Variants in CCT3 observed in about 807,000 individuals in gnomAD.
CCT3 encodes the protein chaperonin containing TCP1 subunit 3, also known as T-complex protein 1 subunit gamma.
A neutral mutation model predicts 65.3 loss-of-function variants in CCT3; 10 were observed. That is an observed-to-expected ratio of 0.15 (90% CI 0.09 to 0.26). CCT3 has a LOEUF of 0.26. Among genes scored for constraint, CCT3 ranks in the 10% least tolerant of loss-of-function variants. The pLI is 1.00. For missense variants in CCT3, 626 were observed against 708.7 expected (o/e 0.88, Z 1.33); for synonymous variants, 225 against 242.3 (o/e 0.93, Z 0.66).
intron 7 of CCT3, among the ~76,000 whole-genome samples, chr1:156,319,429 T>A (rs528474484): frequency 2.6e-3 from 401 of 152,292 alleles, no homozygotes; most frequent in African/African-American, 9.2e-3. Context: ...TGTTTCAGGT[T>A]TCTAAAGTAC....
At chr1:156,313,453 G>T (rs1664170481) in intron 10 of CCT3, among the ~76,000 whole-genome samples, 1 of 151,262 alleles carries the variant, frequency 6.6e-6, no homozygotes, top group African/African-American at 2.4e-5. Flanking sequence ...TAATCAGGAA[G>T]ATTATGCCAC....
At chr1:156,329,723 G>C (rs1282261524) in intron 5 of CCT3, among the ~76,000 whole-genome samples, 1 of 150,932 alleles carries the variant, frequency 6.6e-6, no homozygotes, top group Admixed American at 6.6e-5. Flanking sequence ...AGGATCACCT[G>C]AAGTCAGGAG....
At chr1:156,323,314 GAA>G (rs71080759) in intron 6 of CCT3, among the ~76,000 whole-genome samples, 1 of 130,434 alleles carries the variant, frequency 7.7e-6, no homozygotes, top group Non-Finnish European at 1.6e-5. Flanking sequence ...TCCGTCTCAA[GAA>G]AAAAAAAAAA....
intron 10 of CCT3, 76 bp from the exon 11 acceptor site, chr1:156,312,297 T>C (rs748896515): frequency 7.2e-6 from 10 of 1,380,988 alleles, no homozygotes; most frequent in Admixed American, 2.1e-5. Flanking sequence ...CTAGGGTCTG[T>C]AGCTAGGGAT....
intron 1 of CCT3, chr1:156,337,632 TA>T (rs1357733909): frequency 6.0e-5 from 10 of 167,012 alleles, no homozygotes; most frequent in Non-Finnish European, 1.3e-4. Flanking sequence ...TGACCAAGGA[TA>T]TTACCTATTT....
intron 10 of CCT3, among the ~76,000 whole-genome samples, chr1:156,315,092 C>G (rs1342765687): frequency 6.6e-6 from 1 of 152,146 alleles, no homozygotes; most frequent in African/African-American, 2.4e-5. Context: ...CCTCTGACAC[C>G]CAAGACAGAA....
chr1:156,333,554 A>T lies in CCT3; in HGVS notation c.297T>A (p.Ile99=). 6.2e-7 allele frequency: 1 copy of T among 1,612,846 alleles called. No homozygotes were observed. Among genetic ancestry groups the T allele is most frequent in the South Asian group, 1.1e-5 (1 of 91,038 alleles). The stretch of plus-strand genomic sequence containing the variant: ...CTCTTATTCTCCTCTTACCAAGAAT[A>T]ATTACTGATGTGGTCCCATCTCCAA... ...EEVGDGTTSV[I]ILAGEMLSVA... Residue 99 remains isoleucine, a synonymous_variant, in exon 5 of 14, where the codon ATT becomes ATA. Coordinates refer to ENST00000295688, the MANE Select transcript of CCT3 (RefSeq NM_005998.5).
chr1:156,337,454 T>TGACC (rs1665459114), intron 1 of CCT3: 1 of 176,394 alleles, frequency 5.7e-6, no homozygotes, highest in Non-Finnish European at 1.2e-5. Context: ...AAGGAAAAGG[T>TGACC]GACCAGTCGA....
chr1:156,314,099 A>C (rs1021884559), intron 10 of CCT3, among the ~76,000 whole-genome samples: 1 of 151,946 alleles, frequency 6.6e-6, no homozygotes, highest in Admixed American at 6.6e-5. Flanking sequence ...AAAAAAAAAA[A>C]AAAAAGTCAA....
intron 5 of CCT3, among the ~76,000 whole-genome samples, chr1:156,327,380 C>T (rs1192629148): frequency 6.6e-6 from 1 of 152,212 alleles, no homozygotes; most frequent in Admixed American, 6.5e-5. Context: ...CGGCTCACTG[C>T]AACCTCCCTG....
At chr1:156,334,239 CAAAAAAA>C (rs34500374) in intron 4 of CCT3, among the ~76,000 whole-genome samples, 1 of 118,432 alleles carries the variant, frequency 8.4e-6, no homozygotes, top group East Asian at 2.6e-4. Flanking sequence ...GACTCCGTCT[CAAAAAAA>C]AAAAAAAAAA....
At chr1:156,311,969 T>C (rs1272661906) in intron 11 of CCT3, 72 bp downstream of exon 11, 3 of 1,265,174 alleles carry the variant, frequency 2.4e-6, no homozygotes, top group Non-Finnish European at 3.2e-6. Context: ...AGAATTATTT[T>C]AGGCCCTTTG....
chr1:156,319,521 C>G (rs768888390), intron 7 of CCT3, among the ~76,000 whole-genome samples: 1 of 152,090 alleles, frequency 6.6e-6, no homozygotes, highest in Non-Finnish European at 1.5e-5. Flanking sequence ...GACCATGACA[C>G]TCAACTTGAA....
intron 6 of CCT3, among the ~76,000 whole-genome samples, chr1:156,322,065 A>T (rs1160974594): frequency 1.3e-5 from 2 of 152,218 alleles, no homozygotes; most frequent in Non-Finnish European, 2.9e-5. Flanking sequence ...CCTGGGCAAC[A>T]TAGCAAAACC....
chr1:156,324,473 T>C (rs1162771178), intron 6 of CCT3, among the ~76,000 whole-genome samples: 3 of 152,194 alleles, frequency 2.0e-5, no homozygotes, highest in Non-Finnish European at 2.9e-5. Context: ...TATATGCTTT[T>C]CTTTTTTTTC....
intron 5 of CCT3, among the ~76,000 whole-genome samples, chr1:156,326,844 T>C (rs1238183967): frequency 1.3e-5 from 2 of 152,036 alleles, no homozygotes; most frequent in African/African-American, 2.4e-5. Context: ...ACCAGGAGTT[T>C]TGAGACTAGC....
chr1:156,333,702 C>G (rs913684050), intron 4 of CCT3, 59 bp from the exon 5 acceptor site: 38 of 1,311,136 alleles, frequency 2.9e-5, no homozygotes, highest in Non-Finnish European at 3.7e-5. Context: ...ACTCATGAAG[C>G]TTGGCCCTAA....
At chr1:156,327,267 GCCTCTC>G (rs1664858160) in intron 5 of CCT3, among the ~76,000 whole-genome samples, 1 of 151,798 alleles carries the variant, frequency 6.6e-6, no homozygotes, top group Non-Finnish European at 1.5e-5. Context: ...ATAGCCTCTC[GCCTCTC>G]CCCTCTCCCC....
At chr1:156,312,321 G>A in intron 10 of CCT3, 100 bp from the exon 11 acceptor site, 2 of 1,132,216 alleles carry the variant, frequency 1.8e-6, no homozygotes, top group East Asian at 2.5e-5. Context: ...GGCAAAAGTG[G>A]ATTGTTGGAA....
Sources: gnomAD v4.1 joint callset for allele counts (sites outside exome capture counted in the v4.1 genomes callset) on GRCh38, gnomAD v4.1.1 for gene constraint, MANE v1.5 for transcripts, NCBI Gene and HGNC (gene_info 2026-07-23, HGNC 2026-07-21) for gene names.